The following METTL25 variants were observed in gnomAD, a reference collection of about 807,000 sequenced individuals.
METTL25 encodes the protein methyltransferase like 25, also known as probable methyltransferase-like protein 25.
In METTL25, 64 loss-of-function variants were observed where a neutral mutation model predicts 71.6. The observed-to-expected ratio is 0.89, with a 90% CI of 0.73 to 1.10. The LOEUF is 1.10. METTL25 is among the 50% of genes least tolerant of loss of function. The pLI is 0.00. For missense variants in METTL25, 807 were observed against 707.0 expected (o/e 1.14, Z -1.60); for synonymous variants, 287 against 250.3 (o/e 1.15, Z -1.38).
intron 5 of METTL25, 147 bp from the exon 6 acceptor site, chr12:82,430,746 G>A: frequency 2.0e-6 from 1 of 496,962 alleles, no homozygotes; most frequent in Non-Finnish European, 3.6e-6. Context: ...TAACAAACTG[G>A]AAGGAACTGT....
intron 3 of METTL25, among the ~76,000 whole-genome samples, chr12:82,393,661 A>G (rs1181817696): frequency 6.6e-6 from 1 of 151,998 alleles, no homozygotes; most frequent in African/African-American, 2.4e-5. Flanking sequence ...ACTATGTTGA[A>G]TAAAAATGGT....
chr12:82,473,353 G>A (rs1892676536), intron 9 of METTL25, among the ~76,000 whole-genome samples: 1 of 152,182 alleles, frequency 6.6e-6, no homozygotes, highest in African/African-American at 2.4e-5. Context: ...CCTGGAACAG[G>A]AGCGCAAGGC....
In METTL25 at chr12:82,438,756, G is replaced by A. The variant is rs1890115321; in HGVS notation, c.1443G>A (p.Gln481=). 6.5e-7 allele frequency: 1 copy of A among 1,541,408 alleles called. No homozygotes were observed. The highest frequency in any genetic ancestry group is 1.4e-5 in the African/African-American group (1 of 72,196). Residue 481 remains glutamine (Q), a synonymous_variant, in exon 8 of 12, where the codon CAG becomes CAA. Transcript: ENST00000248306. ...CACTCTTCTATCGTGCTGTTCTTCA[G>A]GATATTATTAAAGATTGTTATGGCA... ...TESLFYRAVL[Q]DIIKDCYGIT...
chr12:82,407,795 G>C, intron 5 of METTL25: 1 of 984,140 alleles, frequency 1.0e-6, no homozygotes, highest in Non-Finnish European at 1.2e-6. Context: ...AATAATGAAA[G>C]TAAACTTGGT....
At position 82,478,926 on chromosome 12, in the gene METTL25, T is replaced by G. The variant is rs199748532; in HGVS notation, c.1720-6T>G. The G allele has an allele frequency of 6.2e-7, 1 of 1,607,844 alleles. No homozygotes were observed. Among genetic ancestry groups the G allele is most frequent in the South Asian group, 1.1e-5 (1 of 90,400 alleles). Reference sequence around the variant, plus strand: ...TTGTATATCTAAATCACTTATTAATTTACAGGAAGATATTGCATGGTCTGC... The same window carrying G: ...TTGTATATCTAAATCACTTATTAATGTACAGGAAGATATTGCATGGTCTGC... On this transcript the variant is annotated splice_polypyrimidine_tract_variant and splice_region_variant and intron_variant, in intron 11 of 11. Transcript: ENST00000248306.
intron 6 of METTL25, among the ~76,000 whole-genome samples, chr12:82,431,446 G>T (rs1355764115): frequency 1.3e-5 from 2 of 151,580 alleles, no homozygotes; most frequent in African/African-American, 4.8e-5. Context: ...AGTTTACAAA[G>T]AAATGAGTTA....
chr12:82,439,898 T>A (rs1346694075), intron 8 of METTL25: 1 of 791,058 alleles, frequency 1.3e-6, no homozygotes, highest in Non-Finnish European at 1.5e-6. Context: ...TAAATTTGTT[T>A]CTGTTCTTTT....
chr12:82,432,606 A>G (rs1889601478), intron 6 of METTL25, among the ~76,000 whole-genome samples: 1 of 151,652 alleles, frequency 6.6e-6, no homozygotes, highest in African/African-American at 2.4e-5. Flanking sequence ...CAAAACAAAT[A>G]CTTTGGAAAA....
intron 5 of METTL25, among the ~76,000 whole-genome samples, chr12:82,409,910 T>C (rs1218173241): frequency 6.6e-6 from 1 of 152,092 alleles, no homozygotes; most frequent in East Asian, 1.9e-4. Context: ...AAACAGAAAT[T>C]TGTCAAGGGT....
chr12:82,403,022 G>T lies in METTL25; in HGVS notation c.1171G>T (p.Ala391Ser). ...GGGTCTCCACACTTGTGGTGATCTG[G>T]CTCCAAATACTTTGCGAATATTTAC... ...MVGLHTCGDL[A>S]PNTLRIFTSN... Residue 391 changes from alanine to serine, a missense_variant, in exon 5 of 12, where the codon GCT becomes TCT. By Grantham distance (99) the Ala-to-Ser change is moderately conservative. Transcript: ENST00000248306. 1 of 1,612,500 alleles carries T rather than the reference G, an allele frequency of 6.2e-7. No homozygotes were observed.
At chr12:82,471,684 T>C (rs1038568396) in intron 9 of METTL25, among the ~76,000 whole-genome samples, 2 of 152,362 alleles carry the variant, frequency 1.3e-5, no homozygotes, top group East Asian at 1.9e-4. Context: ...GTAACTCCAA[T>C]AAAATGTTAC....
chr12:82,441,034 G>C (rs1890281977), intron 8 of METTL25, among the ~76,000 whole-genome samples: 1 of 151,968 alleles, frequency 6.6e-6, no homozygotes, highest in African/African-American at 2.4e-5. Context: ...TGAAACAAAA[G>C]TTCGAGTTCA....
intron 5 of METTL25, among the ~76,000 whole-genome samples, chr12:82,411,800 A>T (rs937846596): frequency 2.6e-5 from 4 of 151,874 alleles, no homozygotes; most frequent in Admixed American, 1.3e-4. Context: ...GTCTTACTTA[A>T]CTTTAAATCT....
intron 4 of METTL25, among the ~76,000 whole-genome samples, chr12:82,401,192 T>C (rs1345013917): frequency 6.6e-6 from 1 of 152,098 alleles, no homozygotes; most frequent in African/African-American, 2.4e-5. Flanking sequence ...TAAGTTTGAT[T>C]ACAGCTGTCT....
At chr12:82,446,777 C>A in intron 8 of METTL25, among the ~76,000 whole-genome samples, 1 of 151,960 alleles carries the variant, frequency 6.6e-6, no homozygotes, top group South Asian at 2.1e-4. Flanking sequence ...CTACCACACC[C>A]GGCTAATTTT....
At chr12:82,443,540 C>A (rs1351432471) in intron 8 of METTL25, among the ~76,000 whole-genome samples, 1 of 150,870 alleles carries the variant, frequency 6.6e-6, no homozygotes, top group African/African-American at 2.4e-5. Flanking sequence ...TAAGTCATGG[C>A]ATTAGTCCAT....
chr12:82,419,798 T>C (rs1361557192), intron 5 of METTL25, among the ~76,000 whole-genome samples: 1 of 151,836 alleles, frequency 6.6e-6, no homozygotes, highest in Non-Finnish European at 1.5e-5. Flanking sequence ...TGGAAAATGA[T>C]ACGGAGGTTC....
At chr12:82,475,159 G>A (rs997155320) in intron 9 of METTL25, among the ~76,000 whole-genome samples, 36 of 152,194 alleles carry the variant, frequency 2.4e-4, no homozygotes, top group Admixed American at 1.3e-3. Flanking sequence ...GAAAGATTAT[G>A]AGTTCTGAGT....
intron 5 of METTL25, among the ~76,000 whole-genome samples, chr12:82,416,508 A>T (rs1888000083): frequency 6.9e-6 from 1 of 145,766 alleles, no homozygotes; most frequent in African/African-American, 2.5e-5. Flanking sequence ...CAGTATCATG[A>T]TCATGGTTCA....
Sources: allele counts gnomAD v4.1 joint callset (sites outside exome capture counted in the v4.1 genomes callset), GRCh38; gene constraint gnomAD v4.1.1; transcripts MANE v1.5; gene names NCBI Gene and HGNC (gene_info 2026-07-23, HGNC 2026-07-21).